CES5A: variants seen among roughly 807,000 people sequenced by gnomAD.
CES5A encodes the protein carboxylesterase 5.
In CES5A, 67 loss-of-function variants were observed where a neutral mutation model predicts 62.9. That is an observed-to-expected ratio of 1.07 (90% CI 0.88 to 1.31). The LOEUF (loss-of-function observed/expected upper bound fraction) is 1.31. Among genes scored for constraint, CES5A ranks in the 50% most tolerant of loss-of-function variants. The pLI is 0.00. For synonymous variants in CES5A, 296 were observed against 280.8 expected, an observed-to-expected ratio of 1.05 and a Z score of -0.54; for missense variants, 748 against 708.5, an observed-to-expected ratio of 1.06 and a Z score of -0.63.
At chr16:55,865,710 A>G (rs1323481122) in intron 5 of CES5A, among the ~76,000 whole-genome samples, 1 of 152,228 alleles carries the variant, frequency 6.6e-6, no homozygotes. Flanking sequence ...CTACAAATAT[A>G]AGGGATTTTT....
intron 1 of CES5A, among the ~76,000 whole-genome samples, chr16:55,893,010 C>T (rs1413159020): frequency 3.3e-5 from 5 of 152,112 alleles, no homozygotes; most frequent in Admixed American, 2.6e-4. Flanking sequence ...CCTGGCAGGT[C>T]GAAATCCGGA....
chr16:55,878,043 A>G (rs1448800927), upstream of CES5A, among the ~76,000 whole-genome samples: 1 of 152,150 alleles, frequency 6.6e-6, no homozygotes, highest in African/African-American at 2.4e-5. Context: ...TGATGTCCCC[A>G]TTAGTAGCAC....
intron 2 of CES5A, among the ~76,000 whole-genome samples, chr16:55,945,899 T>A (rs2034489751): frequency 6.6e-6 from 1 of 152,064 alleles, no homozygotes; most frequent in Non-Finnish European, 1.5e-5. Flanking sequence ...TACAGACCCA[T>A]CATGAACACT....
At chr16:55,934,716 A>G (rs2034351661) in intron 2 of CES5A, among the ~76,000 whole-genome samples, 2 of 151,934 alleles carry the variant, frequency 1.3e-5, no homozygotes, top group Non-Finnish European at 2.9e-5. Flanking sequence ...GTGTGTCAAG[A>G]GAGGAAGAGA....
intron 1 of CES5A, among the ~76,000 whole-genome samples, chr16:55,882,799 C>T (rs959398655): frequency 6.6e-6 from 1 of 152,316 alleles, no homozygotes; most frequent in Middle Eastern, 3.4e-3. Flanking sequence ...ATGTCCCTTC[C>T]TTGAGTTTCC....
Position 55,859,555 on chromosome 16 carries a change from G to T in CES5A, c.1048C>A (p.Leu350Met), listed in dbSNP as rs752702221. 7 of 1,612,168 alleles carry T rather than the reference G, an allele frequency of 4.3e-6. 1 individual carries two copies. The South Asian group carries it at 6.6e-5, about 15-fold the overall frequency. ...ACAGCCAGAATTCTTACCATAGGCAGCAGGAAGCCACACTCGTGGTTATTG... is the reference window on the plus strand; with the variant it reads ...ACAGCCAGAATTCTTACCATAGGCATCAGGAAGCCACACTCGTGGTTATTG... ...GVNNHECGFL[L>M]PMKEAPEILS... Residue 350 changes from leucine (L) to methionine (M), a missense_variant, in exon 8 of 13, where the codon CTG (leucine) becomes ATG (methionine). Transcript: ENST00000290567.
At chr16:55,953,552 A>G (rs2034579290) in intron 1 of CES5A, among the ~76,000 whole-genome samples, 1 of 148,184 alleles carries the variant, frequency 6.7e-6, no homozygotes, top group African/African-American at 2.4e-5. Context: ...TCACAAAAGG[A>G]AAAAAAAACC....
At chr16:55,881,080 A>C (rs1941468041) in intron 1 of CES5A, among the ~76,000 whole-genome samples, 1 of 152,162 alleles carries the variant, frequency 6.6e-6, no homozygotes, top group Admixed American at 6.5e-5. Context: ...AGAACTATGA[A>C]TACCTGGCTT....
chr16:55,903,129 G>GA (rs57306486), intron 1 of CES5A, among the ~76,000 whole-genome samples: 47 of 146,720 alleles, frequency 3.2e-4, no homozygotes, highest in Admixed American at 1.1e-3. Context: ...GGGATGCAGA[G>GA]AAAAAAAAAA....
At chr16:55,866,679 T>A (rs965681071) in intron 4 of CES5A, among the ~76,000 whole-genome samples, 13,027 of 66,578 alleles carry the variant, frequency 0.2, 1,396 homozygotes, top group Middle Eastern at 0.27. Context: ...AAAAAAAAAA[T>A]ACAAAAAAAT....
At chr16:55,918,470 C>G (rs1232613899) in intron 1 of CES5A, among the ~76,000 whole-genome samples, 1 of 152,176 alleles carries the variant, frequency 6.6e-6, no homozygotes, top group Non-Finnish European at 1.5e-5. Context: ...ATGTTCTATT[C>G]TTCCCATACC....
chr16:55,884,075 C>T (rs190325167), intron 1 of CES5A, among the ~76,000 whole-genome samples: 4 of 152,296 alleles, frequency 2.6e-5, no homozygotes, highest in East Asian at 3.9e-4. Flanking sequence ...TACATCCCTT[C>T]GGAAAAGAAC....
intron 2 of CES5A, among the ~76,000 whole-genome samples, chr16:55,872,404 A>G (rs985668264): frequency 6.6e-6 from 1 of 152,110 alleles, no homozygotes; most frequent in Admixed American, 6.6e-5. Flanking sequence ...TTCTTCGGAA[A>G]CACCCACCTA....
In CES5A at chr16:55,852,765, C is replaced by G. The variant is rs1297330451; in HGVS notation, c.1273+116G>C. On this transcript the variant is annotated intron_variant, in intron 10 of 12. Coordinates refer to ENST00000290567, the MANE Select transcript of CES5A (RefSeq NM_001143685.2). ...TTCCATCCAGGCACACCTGGAAATG[C>G]ACTTTCCATGATAGAACAGAGGCAG... The G allele has an allele frequency of 6.0e-6, 7 of 1,165,284 alleles. No homozygotes were observed. The African/African-American group carries it at 1.1e-4, about 18-fold the overall frequency. 72.2% of individuals were successfully genotyped at this position (1,165,284 alleles called of 1,614,324 possible).
intron 2 of CES5A, among the ~76,000 whole-genome samples, chr16:55,940,326 A>T (rs2034432863): frequency 6.6e-6 from 1 of 152,112 alleles, no homozygotes; most frequent in Non-Finnish European, 1.5e-5. Context: ...GATACAAATG[A>T]TTAATATCAG....
intron 1 of CES5A, among the ~76,000 whole-genome samples, chr16:55,919,680 C>T (rs1567354602): frequency 6.6e-6 from 1 of 152,188 alleles, no homozygotes; most frequent in Non-Finnish European, 1.5e-5. Flanking sequence ...AGAAAAATCA[C>T]TACTTTTAAA....
intron 2 of CES5A, among the ~76,000 whole-genome samples, chr16:55,937,493 T>C (rs914839948): frequency 3.3e-5 from 5 of 152,230 alleles, no homozygotes; most frequent in Non-Finnish European, 5.9e-5. Context: ...GGTTGCGTTC[T>C]ACACCTCACA....
intron 1 of CES5A, among the ~76,000 whole-genome samples, chr16:55,909,724 C>T (rs535779121): frequency 6.6e-6 from 1 of 152,260 alleles, no homozygotes; most frequent in Non-Finnish European, 1.5e-5. Flanking sequence ...GGTCTGTGGC[C>T]CCACCTAGCT....
intron 11 of CES5A, among the ~76,000 whole-genome samples, chr16:55,848,152 A>G (rs2033053417): frequency 1.3e-5 from 2 of 152,044 alleles, no homozygotes; most frequent in African/African-American, 4.8e-5. Flanking sequence ...TGTTGCCCAG[A>G]CTGGAGTTTA....
Sources: allele counts gnomAD v4.1 joint callset (sites outside exome capture counted in the v4.1 genomes callset), GRCh38; gene constraint gnomAD v4.1.1; transcripts MANE v1.5; gene names NCBI Gene and HGNC (gene_info 2026-07-23, HGNC 2026-07-21).